KPNA4: variants seen among roughly 807,000 people sequenced by gnomAD.
The protein encoded by KPNA4 is importin subunit alpha-3.
Under a neutral mutation model 71.3 loss-of-function variants are expected in KPNA4, and 13 were observed. The observed-to-expected ratio is 0.18, with a 90% confidence interval of 0.12 to 0.29. The LOEUF (loss-of-function observed/expected upper bound fraction) is 0.29. Among genes scored for constraint, KPNA4 ranks in the 10% least tolerant of loss-of-function variants. The pLI, the probability that KPNA4 is intolerant of heterozygous loss-of-function variation, is 1.00. For missense variants in KPNA4, 334 were observed against 603.2 expected (o/e 0.55, Z 4.67); for synonymous variants, 189 against 195.2 (o/e 0.97, Z 0.26).
At position 160,501,416 on chromosome 3, in the gene KPNA4, T is replaced by C. The variant is rs1720878267; in HGVS notation, c.*688A>G. ...TGCTAAACCAGTCTTTGTTTTCATG[T>C]CCAGTGTACATTAACACTTATGATC... On this transcript the variant is annotated 3_prime_UTR_variant, in exon 17 of 17. Coordinates refer to ENST00000334256, the MANE Select transcript of KPNA4 (RefSeq NM_002268.5). The C allele has an allele frequency of 2.0e-5, 3 of 152,562 alleles. No individual in the cohort carries two copies. Among genetic ancestry groups the C allele is most frequent in the African/African-American group, 2.4e-5 (1 of 41,418 alleles). The allele number at this position is 152,562 out of a possible 1,614,324, so 9.5% of individuals were successfully genotyped here.
chr3:160,517,410 C>T (rs1406923598), intron 11 of KPNA4, among the ~76,000 whole-genome samples: 1 of 152,044 alleles, frequency 6.6e-6, no homozygotes, highest in African/African-American at 2.4e-5. Flanking sequence ...ACAAATAACG[C>T]TGCTGTGAAT....
chr3:160,558,684 G>A (rs1722188426), intron 1 of KPNA4, among the ~76,000 whole-genome samples: 1 of 152,110 alleles, frequency 6.6e-6, no homozygotes, highest in Admixed American at 6.6e-5. Context: ...GGGCCCCTAT[G>A]TGGGTCCTGA....
intron 1 of KPNA4, among the ~76,000 whole-genome samples, chr3:160,561,478 G>A (rs775372897): frequency 2.0e-5 from 3 of 151,998 alleles, no homozygotes; most frequent in Non-Finnish European, 4.4e-5. Flanking sequence ...AATATCATCT[G>A]ATAGTTCCTG....
chr3:160,511,251 G>A (rs1489606178), intron 13 of KPNA4, among the ~76,000 whole-genome samples: 5 of 151,584 alleles, frequency 3.3e-5, no homozygotes, highest in Non-Finnish European at 4.4e-5. Flanking sequence ...GACTACAGGC[G>A]CCCACCACCA....
rs1441559477 is a variant in KPNA4 at position 160,496,525 on chromosome 3, CCAT to C, written c.*5576_*5578del. ...GAGTAACATAGTCTAGGATAGGAAT[CCAT>C]CAGTTATGGAGATCAGAGGTAAGAT... On this transcript the variant is annotated 3_prime_UTR_variant, in exon 17 of 17. Transcript: ENST00000334256. The C allele has an allele frequency of 6.6e-6, 1 of 152,104 alleles. No individual in the cohort carries two copies. Among genetic ancestry groups the C allele is most frequent in the African/African-American group, 2.4e-5 (1 of 41,404 alleles). The allele number at this position is 152,104 out of a possible 1,614,324, so 9.4% of individuals were successfully genotyped here. A position where few individuals can be genotyped will look rare whatever the true frequency, so the allele number is the denominator to read the frequency against.
At chr3:160,554,974 C>T (rs573389503) in intron 1 of KPNA4, among the ~76,000 whole-genome samples, 2 of 152,338 alleles carry the variant, frequency 1.3e-5, no homozygotes, top group African/African-American at 4.8e-5. Flanking sequence ...GTAGTGCGAA[C>T]TCTATGTATA....
chr3:160,508,030 T>TGC, intron 15 of KPNA4, 77 bp downstream of exon 15: 7 of 1,067,598 alleles, frequency 6.6e-6, no homozygotes, highest in Admixed American at 2.5e-5. Flanking sequence ...AATATAGATG[T>TGC]GCTATATTAG....
chr3:160,542,285 G>C (rs973542241), intron 1 of KPNA4, among the ~76,000 whole-genome samples: 1 of 152,164 alleles, frequency 6.6e-6, no homozygotes, highest in Non-Finnish European at 1.5e-5. Flanking sequence ...TAAAACAGTT[G>C]TTCAACCCGA....
intron 1 of KPNA4, among the ~76,000 whole-genome samples, chr3:160,544,801 A>C (rs550412208): frequency 6.6e-6 from 1 of 150,518 alleles, no homozygotes; most frequent in African/African-American, 2.5e-5. Flanking sequence ...TGAGAAAAAT[A>C]GTTTTTTTTT....
chr3:160,544,221 C>T (rs944319730), intron 1 of KPNA4, among the ~76,000 whole-genome samples: 1 of 150,440 alleles, frequency 6.6e-6, no homozygotes, highest in African/African-American at 2.4e-5. Context: ...TGTGTGTGTT[C>T]ATGTATATGT....
intron 11 of KPNA4, among the ~76,000 whole-genome samples, chr3:160,519,783 C>A (rs1233156941): frequency 8.8e-6 from 1 of 113,086 alleles, no homozygotes; most frequent in African/African-American, 3.6e-5. Context: ...GCCTGGGCGA[C>A]AGAGCGAGAC....
intron 13 of KPNA4, among the ~76,000 whole-genome samples, chr3:160,510,751 C>T (rs1030769499): frequency 3.3e-5 from 5 of 151,768 alleles, no homozygotes; most frequent in Admixed American, 1.3e-4. Flanking sequence ...ATCTAGTAAT[C>T]CCAAATATAA....
At chr3:160,527,735 G>A (rs966063691) in intron 8 of KPNA4, among the ~76,000 whole-genome samples, 1 of 152,078 alleles carries the variant, frequency 6.6e-6, no homozygotes, top group Non-Finnish European at 1.5e-5. Context: ...ATAATTAAGA[G>A]CTAACTATAT....
At chr3:160,562,828 TA>T (rs1722272606) in intron 1 of KPNA4, among the ~76,000 whole-genome samples, 1 of 152,202 alleles carries the variant, frequency 6.6e-6, no homozygotes, top group Non-Finnish European at 1.5e-5. Context: ...TGTCAATATA[TA>T]CTTATTTTTT....
chr3:160,540,502 T>C (rs1312679973), intron 1 of KPNA4, among the ~76,000 whole-genome samples: 1 of 152,196 alleles, frequency 6.6e-6, no homozygotes, highest in Admixed American at 6.5e-5. Context: ...GGGTTTTCTT[T>C]TCCTCTCCAA....
intron 1 of KPNA4, among the ~76,000 whole-genome samples, chr3:160,538,620 C>T (rs1057414575): frequency 1.3e-5 from 2 of 152,122 alleles, no homozygotes; most frequent in Non-Finnish European, 2.9e-5. Flanking sequence ...CTCTCACACG[C>T]TCCACTTCGG....
chr3:160,555,821 A>C (rs1722125342), intron 1 of KPNA4, among the ~76,000 whole-genome samples: 2 of 151,670 alleles, frequency 1.3e-5, no homozygotes, highest in South Asian at 4.1e-4. Context: ...TTATTTATTT[A>C]AATTATTTAT....
At chr3:160,530,335 T>C (rs1721548573) in intron 7 of KPNA4, among the ~76,000 whole-genome samples, 1 of 151,636 alleles carries the variant, frequency 6.6e-6, no homozygotes, top group Non-Finnish European at 1.5e-5. Flanking sequence ...AAAAATTAGC[T>C]AGGCACAGTG....
At chr3:160,530,973 G>A (rs1450719523) in intron 6 of KPNA4, 33 bp from the exon 7 acceptor site, 1 of 1,483,328 alleles carries the variant, frequency 6.7e-7, no homozygotes, top group East Asian at 2.3e-5. Context: ...TTAAACAGCA[G>A]GGATTTTTAC....
Sources: gnomAD v4.1 joint callset for allele counts (sites outside exome capture counted in the v4.1 genomes callset) on GRCh38, gnomAD v4.1.1 for gene constraint, MANE v1.5 for transcripts, NCBI Gene and HGNC (gene_info 2026-07-23, HGNC 2026-07-21) for gene names.